The following FBXW10B variants were observed in gnomAD, a reference collection of about 807,000 sequenced individuals.
FBXW10B encodes the protein F-box and WD repeat domain containing 10B.
chr17:15,571,415 CA>C, the FBXW10B span: 2 of 151,038 alleles, frequency 1.3e-5, no homozygotes, highest in African/African-American at 4.9e-5. Context: ...GTTAAATAAG[CA>C]AAAGATTTTC....
At chr17:15,594,196 G>A in the FBXW10B span, among the ~76,000 whole-genome samples, 1 of 152,004 alleles carries the variant, frequency 6.6e-6, no homozygotes, top group African/African-American at 2.4e-5. Flanking sequence ...TTATTGGCTG[G>A]GCAAGGTGGC....
the FBXW10B span, chr17:15,605,414 T>G: frequency 6.5e-7 from 1 of 1,539,134 alleles, no homozygotes; most frequent in Admixed American, 2.0e-5. Flanking sequence ...TGACTCGGTT[T>G]TGATCCCACC....
the FBXW10B span, among the ~76,000 whole-genome samples, chr17:15,578,398 C>T: frequency 1.3e-5 from 2 of 151,598 alleles, no homozygotes; most frequent in Non-Finnish European, 2.9e-5. Context: ...TTTTATTTCC[C>T]AGCTTCATTC....
chr17:15,596,687 G>T, the FBXW10B span: 5 of 1,609,342 alleles, frequency 3.1e-6, no homozygotes, highest in Admixed American at 1.7e-5. Context: ...GACAGAGGAA[G>T]ACATGGGAGT....
the FBXW10B span, among the ~76,000 whole-genome samples, chr17:15,591,254 T>C: frequency 6.6e-6 from 1 of 152,164 alleles, no homozygotes; most frequent in Admixed American, 6.5e-5. Context: ...TTAAGGATAG[T>C]CTGGATTTGG....
At chr17:15,591,741 A>G in the FBXW10B span, among the ~76,000 whole-genome samples, 1 of 152,112 alleles carries the variant, frequency 6.6e-6, no homozygotes, top group African/African-American at 2.4e-5. Context: ...TCCAAACCCA[A>G]TATTACTATT....
At chr17:15,596,362 C>T in the FBXW10B span, 2 of 701,550 alleles carry the variant, frequency 2.9e-6, no homozygotes, top group Non-Finnish European at 3.5e-6. Context: ...CTGAATGCCT[C>T]ACTTTGGGGC....
the FBXW10B span, chr17:15,574,149 G>A: frequency 6.7e-6 from 5 of 751,032 alleles, no homozygotes; most frequent in African/African-American, 3.4e-5. Context: ...CCTTGAGAGT[G>A]TGCCAAGCAT....
chr17:15,597,053 TAA>T, the FBXW10B span, among the ~76,000 whole-genome samples: 2 of 143,466 alleles, frequency 1.4e-5, no homozygotes, highest in African/African-American at 2.6e-5. Flanking sequence ...CAGGTAAAAT[TAA>T]AAAAAAAAAA....
At chr17:15,587,767 C>G in the FBXW10B span, among the ~76,000 whole-genome samples, 1 of 152,090 alleles carries the variant, frequency 6.6e-6, no homozygotes, top group Non-Finnish European at 1.5e-5. Flanking sequence ...AAGTCTGCCT[C>G]TCTAGGGAGT....
the FBXW10B span, among the ~76,000 whole-genome samples, chr17:15,587,442 A>G: frequency 3.4e-4 from 51 of 151,662 alleles, no homozygotes; most frequent in Non-Finnish European, 6.6e-4. Context: ...CTCTTTGGGC[A>G]CAGAGGCTGC....
At chr17:15,586,163 T>C in the FBXW10B span, among the ~76,000 whole-genome samples, 2 of 151,662 alleles carry the variant, frequency 1.3e-5, no homozygotes, top group Non-Finnish European at 2.9e-5. Flanking sequence ...CGTTAACCAT[T>C]GGTCCACTTA....
At chr17:15,608,470 T>A in the FBXW10B span, among the ~76,000 whole-genome samples, 1 of 151,548 alleles carries the variant, frequency 6.6e-6, no homozygotes, top group East Asian at 1.9e-4. Flanking sequence ...GCAATTTTTT[T>A]AAGACGGAGT....
chr17:15,582,082 G>A, the FBXW10B span, among the ~76,000 whole-genome samples: 1 of 151,592 alleles, frequency 6.6e-6, no homozygotes, highest in Non-Finnish European at 1.5e-5. Flanking sequence ...ACTCAGGTGT[G>A]TATGTGTGTG....
chr17:15,571,970 G>GA, the FBXW10B span: 1 of 151,952 alleles, frequency 6.6e-6, no homozygotes, highest in Admixed American at 6.6e-5. Flanking sequence ...ACGGCGGTGG[G>GA]GGGAGGGGTG....
chr17:15,609,874 T>C, the FBXW10B span, among the ~76,000 whole-genome samples: 2 of 145,636 alleles, frequency 1.4e-5, no homozygotes, highest in Non-Finnish European at 3.0e-5. Flanking sequence ...TTTTTTTTTT[T>C]TGAGATGGAG....
the FBXW10B span, among the ~76,000 whole-genome samples, chr17:15,613,078 C>A: frequency 6.8e-6 from 1 of 147,912 alleles, no homozygotes; most frequent in East Asian, 2.0e-4. Flanking sequence ...ACCATAGCTG[C>A]TGCTTCTCAT....
the FBXW10B span, among the ~76,000 whole-genome samples, chr17:15,609,865 T>C: frequency 7.0e-6 from 1 of 142,340 alleles, no homozygotes; most frequent in African/African-American, 2.7e-5. Flanking sequence ...TTTTTTTTTT[T>C]TTTTTTTTTT....
chr17:15,601,273 G>A, the FBXW10B span, among the ~76,000 whole-genome samples: 18 of 149,738 alleles, frequency 1.2e-4, no homozygotes, highest in African/African-American at 3.9e-4. Context: ...GCCAGGCGTG[G>A]TGGTGGGCGC....
Sources: gnomAD v4.1 joint callset for allele counts (sites outside exome capture counted in the v4.1 genomes callset) on GRCh38, gnomAD v4.1.1 for gene constraint, MANE v1.5 for transcripts, NCBI Gene and HGNC (gene_info 2026-07-23, HGNC 2026-07-21) for gene names.